KIAA2012: variants seen among roughly 807,000 people sequenced by gnomAD.
KIAA2012 encodes uncharacterized protein KIAA2012.
KIAA2012 carries 125 observed loss-of-function variants against 150.6 expected under a neutral mutation model. The observed-to-expected ratio is 0.83, with a 90% CI of 0.72 to 0.96. KIAA2012 has a LOEUF of 0.96. Among genes scored for constraint, KIAA2012 ranks in the 40% least tolerant of loss-of-function variants. The pLI is 0.00. For missense variants in KIAA2012, 1,219 were observed against 1,354.9 expected (o/e 0.90, Z 1.57); for synonymous variants, 462 against 504.7 (o/e 0.92, Z 1.13).
chr2:202,095,895 C>T (rs1421802315), intron 4 of KIAA2012, among the ~76,000 whole-genome samples: 1 of 152,032 alleles, frequency 6.6e-6, no homozygotes, highest in African/African-American at 2.4e-5. Flanking sequence ...ACCAGTCTGG[C>T]CAACATGGTG....
intron 11 of KIAA2012, among the ~76,000 whole-genome samples, chr2:202,118,285 T>C (rs1690575154): frequency 6.6e-6 from 1 of 152,172 alleles, no homozygotes; most frequent in Non-Finnish European, 1.5e-5. Flanking sequence ...GTACTAGTGA[T>C]CTCTGGTCAA....
At chr2:202,136,450 T>A (rs1195871826) in intron 12 of KIAA2012, 1 of 152,474 alleles carries the variant, frequency 6.6e-6, no homozygotes, top group Non-Finnish European at 1.5e-5. Context: ...CACAGATTGC[T>A]GATGGGCGCA....
chr2:202,100,547 TG>T, intron 7 of KIAA2012, 98 bp downstream of exon 7: 2 of 1,373,418 alleles, frequency 1.5e-6, no homozygotes, highest in Non-Finnish European at 1.9e-6. Flanking sequence ...CTCGAAAGGA[TG>T]TCTCAAAAGA....
At chr2:202,148,807 G>T (rs1691357461) in intron 13 of KIAA2012, among the ~76,000 whole-genome samples, 1 of 152,170 alleles carries the variant, frequency 6.6e-6, no homozygotes, top group South Asian at 2.1e-4. Flanking sequence ...GGTGGCCAGG[G>T]TGGTCGGCCT....
chr2:202,097,428 A>G lies in KIAA2012; in HGVS notation c.686-7A>G. 1 of 1,550,472 alleles carries G rather than the reference A, an allele frequency of 6.4e-7. No individual in the cohort carries two copies. The highest frequency in any genetic ancestry group is 8.7e-7 in the Non-Finnish European group (1 of 1,146,928). ...GTGACAAGCTGACCCATTGTTCACC[A>G]TTGCAGGTCAACAGGGCCTGGATGA... is the stretch of plus-strand genomic sequence containing the variant. On this transcript the variant is annotated splice_polypyrimidine_tract_variant and splice_region_variant and intron_variant, in intron 4 of 23. Transcript: ENST00000498697.
intron 1 of KIAA2012, among the ~76,000 whole-genome samples, chr2:202,074,316 A>G (rs1351731025): frequency 2.0e-5 from 3 of 152,156 alleles, no homozygotes; most frequent in Non-Finnish European, 4.4e-5. Context: ...GTACTTTGTC[A>G]TGATATTTGA....
At chr2:202,176,706 A>G (rs1160820740) in intron 15 of KIAA2012, among the ~76,000 whole-genome samples, 3 of 152,228 alleles carry the variant, frequency 2.0e-5, no homozygotes, top group Admixed American at 2.0e-4. Context: ...TGAACAGGCA[A>G]CTAACAGAAG....
intron 2 of KIAA2012, among the ~76,000 whole-genome samples, chr2:202,084,074 G>GAAAT (rs1220195032): frequency 6.6e-6 from 1 of 152,106 alleles, no homozygotes; most frequent in African/African-American, 2.4e-5. Context: ...CTCCCTGCTG[G>GAAAT]AAATATACCT....
intron 13 of KIAA2012, among the ~76,000 whole-genome samples, chr2:202,150,526 A>G (rs1440887289): frequency 2.0e-5 from 3 of 151,760 alleles, no homozygotes; most frequent in African/African-American, 7.3e-5. Context: ...TCCGCTCACT[A>G]TAACGCTCAC....
intron 14 of KIAA2012, among the ~76,000 whole-genome samples, chr2:202,156,905 C>T (rs571701151): frequency 6.6e-6 from 1 of 152,064 alleles, no homozygotes. Flanking sequence ...TATGGAGCAT[C>T]TAAGAACGCA....
intron 2 of KIAA2012, chr2:202,077,033 G>A: frequency 2.2e-6 from 1 of 457,274 alleles, no homozygotes; most frequent in Non-Finnish European, 4.4e-6. Context: ...GTGAAAAGAA[G>A]CATCTGCATT....
At chr2:202,141,610 C>T (rs948499828) in intron 13 of KIAA2012, among the ~76,000 whole-genome samples, 1 of 152,152 alleles carries the variant, frequency 6.6e-6, no homozygotes, top group African/African-American at 2.4e-5. Flanking sequence ...AGGTACAGTG[C>T]CCTTTTTTAA....
At chr2:202,138,870 CA>C (rs1053369084) in intron 13 of KIAA2012, among the ~76,000 whole-genome samples, 2 of 152,170 alleles carry the variant, frequency 1.3e-5, no homozygotes, top group Middle Eastern at 3.4e-3. Context: ...TAAACATTAG[CA>C]ATTAAGAAAA....
At chr2:202,115,441 A>G (rs1690491420) in intron 11 of KIAA2012, 1 of 152,116 alleles carries the variant, frequency 6.6e-6, no homozygotes, top group South Asian at 2.1e-4. Context: ...TTTCCCCCAA[A>G]TATTTAGAAT....
chr2:202,169,630 T>C (rs981083645), intron 15 of KIAA2012, among the ~76,000 whole-genome samples: 2 of 152,108 alleles, frequency 1.3e-5, no homozygotes, highest in African/African-American at 4.8e-5. Context: ...AGACCAGAGA[T>C]TTTTGTAAGA....
At chr2:202,113,723 G>A in intron 11 of KIAA2012, 1 of 372,006 alleles carries the variant, frequency 2.7e-6, no homozygotes, top group Non-Finnish European at 4.9e-6. Flanking sequence ...ATGCCTTGAT[G>A]AGAATGATAA....
intron 14 of KIAA2012, among the ~76,000 whole-genome samples, chr2:202,155,687 T>C (rs184567573): frequency 1.1e-4 from 16 of 152,298 alleles, no homozygotes; most frequent in African/African-American, 2.9e-4. Flanking sequence ...GAGTGCATGA[T>C]GGTGGCTCTA....
At chr2:202,118,849 G>A (rs2105933210) in intron 11 of KIAA2012, among the ~76,000 whole-genome samples, 1 of 152,288 alleles carries the variant, frequency 6.6e-6, no homozygotes, top group African/African-American at 2.4e-5. Context: ...CCACCAGTAG[G>A]GAGCTACTAA....
At chr2:202,107,097 T>C (rs1186135317) in intron 9 of KIAA2012, among the ~76,000 whole-genome samples, 1 of 152,188 alleles carries the variant, frequency 6.6e-6, no homozygotes, top group Non-Finnish European at 1.5e-5. Flanking sequence ...AGGTAGTATG[T>C]TTGAGGTCAC....
Sources: allele counts gnomAD v4.1 joint callset (sites outside exome capture counted in the v4.1 genomes callset), GRCh38; gene constraint gnomAD v4.1.1; transcripts MANE v1.5; gene names NCBI Gene and HGNC (gene_info 2026-07-23, HGNC 2026-07-21).